Variants in TXNRD1 observed in about 807,000 individuals in gnomAD.
TXNRD1 encodes the protein thioredoxin reductase 1.
TXNRD1 carries 57 observed loss-of-function variants against 80.3 expected under a neutral mutation model. The ratio of observed to expected loss-of-function variants is 0.71; its 90% CI spans 0.57 to 0.89. The LOEUF (loss-of-function observed/expected upper bound fraction) is 0.89, where lower values mean the gene tolerates loss of function less well. Among genes scored for constraint, TXNRD1 ranks in the 40% least tolerant of loss-of-function variants. The pLI, the probability that TXNRD1 is intolerant of heterozygous loss-of-function variation, is 0.00. For missense variants in TXNRD1, 730 were observed against 803.0 expected (o/e 0.91, Z 1.10); for synonymous variants, 291 against 285.2 (o/e 1.02, Z -0.20).
chr12:104,287,550 G>T (rs959207484), intron 3 of TXNRD1: 24 of 1,538,146 alleles, frequency 1.6e-5, no homozygotes, highest in African/African-American at 1.4e-5. Context: ...GCTTCTCTAG[G>T]AATTTTCACA....
chr12:104,265,664 C>T, intron 3 of TXNRD1: 1 of 1,605,772 alleles, frequency 6.2e-7, no homozygotes. Flanking sequence ...CGGCACCGCG[C>T]CCGAGCCCAC....
At chr12:104,342,625 C>CA (rs1555219366) in intron 16 of TXNRD1, among the ~76,000 whole-genome samples, 6 of 152,060 alleles carry the variant, frequency 3.9e-5, no homozygotes, top group African/African-American at 1.4e-4. Flanking sequence ...ATTGGCATAG[C>CA]TTAAAGAGCT....
chr12:104,321,290 T>C lies in TXNRD1; in HGVS notation c.1189T>C (p.Phe397Leu). 6.2e-7 allele frequency: 1 copy of C among 1,613,906 alleles called. No homozygotes were observed. Among genetic ancestry groups the C allele is most frequent in the Non-Finnish European group, 8.5e-7 (1 of 1,179,850 alleles). Residue 397 changes from phenylalanine to leucine, a missense_variant, in exon 10 of 17, where the codon TTT becomes CTT. Phe to Leu is a conservative substitution (Grantham distance 22). Coordinates refer to ENST00000525566, the MANE Select transcript of TXNRD1 (RefSeq NM_001093771.3). ...GEHMEEHGIK[F>L]IRQFVPIKVE... Reference sequence around the variant, plus strand: ...ACACATGGAAGAACATGGCATCAAGTTTATAAGACAGTTCGTACCAATTAA... The same window carrying C: ...ACACATGGAAGAACATGGCATCAAGCTTATAAGACAGTTCGTACCAATTAA...
chr12:104,249,284 A>C (rs770185522), intron 1 of TXNRD1, among the ~76,000 whole-genome samples: 1 of 152,102 alleles, frequency 6.6e-6, no homozygotes, highest in Non-Finnish European at 1.5e-5. Flanking sequence ...CGCTAATCCC[A>C]TTCTTGAGGG....
chr12:104,324,596 C>A (rs1451712218), intron 10 of TXNRD1, among the ~76,000 whole-genome samples: 1 of 151,682 alleles, frequency 6.6e-6, no homozygotes, highest in Non-Finnish European at 1.5e-5. Flanking sequence ...ATGATCCTCC[C>A]GCCTCGGCCT....
intron 16 of TXNRD1, among the ~76,000 whole-genome samples, chr12:104,343,234 CT>C (rs2036383303): frequency 6.6e-6 from 1 of 152,204 alleles, no homozygotes; most frequent in Non-Finnish European, 1.5e-5. Context: ...GGTTGAGTAA[CT>C]TGCCCATGGT....
At chr12:104,317,748 A>G (rs2035381248) in intron 7 of TXNRD1, among the ~76,000 whole-genome samples, 1 of 152,130 alleles carries the variant, frequency 6.6e-6, no homozygotes, top group Non-Finnish European at 1.5e-5. Context: ...AAGCAGGGGG[A>G]TAATTTGAGC....
chr12:104,259,211 T>A (rs1163829257), intron 3 of TXNRD1, among the ~76,000 whole-genome samples: 4 of 151,874 alleles, frequency 2.6e-5, no homozygotes, highest in African/African-American at 4.8e-5. Flanking sequence ...AAACCCTGTC[T>A]CTACTAAATA....
chr12:104,259,784 G>A (rs1468660821), intron 3 of TXNRD1, among the ~76,000 whole-genome samples: 2 of 151,602 alleles, frequency 1.3e-5, no homozygotes, highest in African/African-American at 2.4e-5. Flanking sequence ...CACCACGCCC[G>A]GCCATAAGTT....
At position 104,339,169 on chromosome 12, in the gene TXNRD1, C is replaced by T; in HGVS notation, c.1777C>T (p.Pro593Ser). The T allele has an allele frequency of 6.2e-7, 1 of 1,613,772 alleles. No individual in the cohort carries two copies. The highest frequency in any genetic ancestry group is 1.7e-5 in the Admixed American group (1 of 60,006). The stretch of plus-strand genomic sequence containing the variant: ...TGTTGTGGGCTTTCACGTACTGGGT[C>T]CAAATGCTGGAGAAGTTACACAAGG... ...ERVVGFHVLG[P>S]NAGEVTQGFA... is the part of the protein sequence containing the mutation. The change falls in exon 16 of 17, where the codon CCA (proline) becomes TCA (serine). Residue 593 changes from proline (P) to serine (S), a missense_variant. Physicochemically the swap from Pro to Ser is moderately conservative, Grantham distance 74 (BLOSUM62 -1). Transcript: ENST00000525566.
In TXNRD1 at chr12:104,328,234, G is replaced by A. The variant is rs146682857; in HGVS notation, c.1542+563G>A. On this transcript the variant is annotated intron_variant, in intron 13 of 16. Transcript: ENST00000525566. ...TTCACATTATGAATAAAAAGAGCTT[G>A]ATTAATCAAGTTTTCAGCACTGTTG... Among the ~76,000 whole-genome samples the A allele has an allele frequency of 4.1e-4, 62 of 149,860 alleles. No homozygotes were observed. The East Asian group carries it at 9.9e-3, about 24-fold the overall frequency.
intron 5 of TXNRD1, among the ~76,000 whole-genome samples, chr12:104,311,982 T>C (rs568642597): frequency 7.4e-6 from 1 of 134,630 alleles, no homozygotes; most frequent in Admixed American, 8.2e-5. Context: ...ACTCTGTCTT[T>C]AAAAAATATA....
At chr12:104,270,047 A>G (rs1023053063) in intron 3 of TXNRD1, among the ~76,000 whole-genome samples, 2 of 152,134 alleles carry the variant, frequency 1.3e-5, no homozygotes, top group African/African-American at 2.4e-5. Context: ...TATTTCCACC[A>G]TATCTTCAGT....
intron 1 of TXNRD1, among the ~76,000 whole-genome samples, chr12:104,242,086 C>A (rs1354538490): frequency 6.6e-6 from 1 of 151,114 alleles, no homozygotes; most frequent in Non-Finnish European, 1.5e-5. Context: ...TACAGGCGCA[C>A]GCCACCACAC....
chr12:104,304,085 G>C, intron 4 of TXNRD1: 2 of 1,613,956 alleles, frequency 1.2e-6, no homozygotes, highest in South Asian at 2.2e-5. Context: ...CATGTACTGC[G>C]TGCGGCAGAA....
chr12:104,311,418 G>T lies in TXNRD1; in HGVS notation c.537+6G>T, dbSNP rs1201495300. ...GAGGTCTGGCAGCTGCTAAGGCAAG[G>T]CTCCTTGTGTTGTCTGTTGTCTGTT... On this transcript the variant is annotated splice_donor_region_variant and intron_variant, in intron 5 of 16. Transcript: ENST00000525566. 6.2e-7 allele frequency: 1 copy of T among 1,612,772 alleles called. No individual in the cohort carries two copies. The highest frequency in any genetic ancestry group is 1.3e-5 in the African/African-American group (1 of 74,828).
At chr12:104,271,857 GAGACTCCATCTCAAAAAAA>G (rs962904102) in intron 3 of TXNRD1, among the ~76,000 whole-genome samples, 5 of 145,868 alleles carry the variant, frequency 3.4e-5, no homozygotes, top group Non-Finnish European at 6.1e-5. Flanking sequence ...GCAACAGAGC[GAGACTCCATCTCAAAAAAA>G]AAAAAAGTAG....
At chr12:104,327,811 G>A in intron 13 of TXNRD1, 140 bp downstream of exon 13, 1 of 862,892 alleles carries the variant, frequency 1.2e-6, no homozygotes, top group Admixed American at 2.7e-5. Flanking sequence ...TCCTTTATTA[G>A]TTGTATTCCA....
chr12:104,294,709 C>T (rs1431117206), intron 4 of TXNRD1, among the ~76,000 whole-genome samples: 1 of 152,164 alleles, frequency 6.6e-6, no homozygotes, highest in East Asian at 1.9e-4. Flanking sequence ...GAGTTTAAGC[C>T]ATCTGCCTAC....
Sources: allele counts gnomAD v4.1 joint callset (sites outside exome capture counted in the v4.1 genomes callset), GRCh38; gene constraint gnomAD v4.1.1; transcripts MANE v1.5; gene names NCBI Gene and HGNC (gene_info 2026-07-23, HGNC 2026-07-21).